The following CTIF variants were observed in gnomAD, a reference collection of about 807,000 sequenced individuals.
CTIF encodes cap binding complex dependent translation initiation factor, also known as CBP80/20-dependent translation initiation factor.
A neutral mutation model predicts 66.0 loss-of-function variants in CTIF; 21 were observed. That is an observed-to-expected ratio of 0.32 (90% CI 0.23 to 0.46). The LOEUF (loss-of-function observed/expected upper bound fraction) is 0.46, where lower values mean the gene tolerates loss of function less well. Among genes scored for constraint, CTIF ranks in the 20% least tolerant of loss-of-function variants. CTIF has a pLI of 1.00. For synonymous variants in CTIF, 345 were observed against 326.4 expected (o/e 1.06, Z -0.62); for missense variants, 739 against 812.7 (o/e 0.91, Z 1.10).
rs774451551 is a variant in CTIF, at chr18:48,839,778, TA to T, written c.1528-17809del. Among the ~76,000 whole-genome samples, 38 of 152,188 alleles carry T rather than the reference TA, an allele frequency of 2.5e-4. 1 individual carries two copies. The highest frequency in any genetic ancestry group is 4.3e-4 in the Non-Finnish European group (29 of 68,038). ...AATGAGTGAATGAATGAAAAGTTGTTACTACCCCCTTCAGACACCCTGGAGA... is the reference window on the plus strand; with the variant it reads ...AATGAGTGAATGAATGAAAAGTTGTTCTACCCCCTTCAGACACCCTGGAGA... On this transcript the variant is annotated intron_variant, in intron 10 of 11. Transcript: ENST00000256413.
chr18:48,621,442 C>G (rs904254112), intron 2 of CTIF: 1 of 267,768 alleles, frequency 3.7e-6, no homozygotes, highest in African/African-American at 2.4e-5. Flanking sequence ...GGAGATGAGT[C>G]AGAGGGATGA....
intron 1 of CTIF, among the ~76,000 whole-genome samples, chr18:48,616,204 G>A (rs1281593737): frequency 6.6e-6 from 1 of 152,240 alleles, no homozygotes; most frequent in Admixed American, 6.5e-5. Flanking sequence ...GATAAGATCT[G>A]ACGTCTTCCA....
chr18:48,556,685 C>T (rs2089030280), intron 1 of CTIF, among the ~76,000 whole-genome samples: 2 of 152,178 alleles, frequency 1.3e-5, no homozygotes, highest in Admixed American at 1.3e-4. Flanking sequence ...GTGCTTCAGC[C>T]TCCTGAGTAG....
intron 2 of CTIF, among the ~76,000 whole-genome samples, chr18:48,636,113 C>G (rs1422066599): frequency 6.6e-6 from 1 of 152,204 alleles, no homozygotes; most frequent in Admixed American, 6.5e-5. Flanking sequence ...AGTGGCAGGG[C>G]TTGTCTGAGC....
chr18:48,863,018 G>A lies in CTIF; in HGVS notation c.*3459G>A, dbSNP rs560786946. 2.0e-5 allele frequency: 3 copies of A among 152,372 alleles called. No individual in the cohort carries two copies. Among genetic ancestry groups the A allele is most frequent in the Admixed American group, 6.5e-5 (1 of 15,304 alleles). 9.4% of individuals were successfully genotyped at this position (152,372 alleles called of 1,614,324 possible). ...CTCTGCGCGGAACACTCACACGGAA[G>A]GGCTGGCCGCCTCCCTGAGCCGGCT... is the stretch of plus-strand genomic sequence containing the variant. On this transcript the variant is annotated 3_prime_UTR_variant, in exon 12 of 12. Coordinates refer to ENST00000256413, the MANE Select transcript of CTIF (RefSeq NM_014772.3).
At chr18:48,763,883 C>T (rs969436170) in intron 9 of CTIF, among the ~76,000 whole-genome samples, 1 of 152,162 alleles carries the variant, frequency 6.6e-6, no homozygotes, top group African/African-American at 2.4e-5. Flanking sequence ...CTCACAAACC[C>T]ACTCACCCCA....
At chr18:48,756,634 C>G (rs777914017) in intron 7 of CTIF, among the ~76,000 whole-genome samples, 6 of 152,190 alleles carry the variant, frequency 3.9e-5, no homozygotes, top group Non-Finnish European at 7.3e-5. Context: ...ATCTTGTGCT[C>G]CAACTGCACT....
chr18:48,579,556 A>T (rs142641838), intron 1 of CTIF, among the ~76,000 whole-genome samples: 175 of 152,318 alleles, frequency 1.1e-3, no homozygotes, highest in African/African-American at 4.2e-3. Context: ...TCCTACTAAA[A>T]AGTAACTTAG....
chr18:48,682,248 G>C (rs1001384167), intron 6 of CTIF, among the ~76,000 whole-genome samples: 15 of 152,134 alleles, frequency 9.9e-5, no homozygotes, highest in African/African-American at 3.6e-4. Flanking sequence ...TGGTACACAT[G>C]CATGCCTCAC....
rs547610269 is a variant in CTIF at position 48,577,645 on chromosome 18, T to C, written c.-29+38333T>C. Among the ~76,000 whole-genome samples the C allele has an allele frequency of 4.6e-5, 7 of 152,360 alleles. No individual in the cohort carries two copies. The South Asian group carries it at 1.4e-3, about 32-fold the overall frequency. On this transcript the variant is annotated intron_variant, in intron 1 of 11. Transcript: ENST00000256413. ...TGGAGTGCAGTAGTGCAATCATGGC[T>C]TACTGCAGCCTCTATCTCCCAGGAT...
chr18:48,542,297 C>A (rs939863551), intron 1 of CTIF, among the ~76,000 whole-genome samples: 48 of 152,216 alleles, frequency 3.2e-4, no homozygotes, highest in African/African-American at 1.1e-3. Flanking sequence ...GTTCATGTAA[C>A]ACTTACCTGT....
At chr18:48,553,806 C>G (rs2088951119) in intron 1 of CTIF, among the ~76,000 whole-genome samples, 2 of 149,866 alleles carry the variant, frequency 1.3e-5, no homozygotes, top group Admixed American at 1.4e-4. Context: ...CAGGTGCCCG[C>G]CACCATGCCC....
chr18:48,727,249 G>T (rs1019442156), intron 7 of CTIF, among the ~76,000 whole-genome samples: 3 of 152,188 alleles, frequency 2.0e-5, no homozygotes, highest in Admixed American at 2.0e-4. Flanking sequence ...GAAGTTTCTT[G>T]ATTAGAACTC....
chr18:48,637,417 G>A (rs910584478), intron 3 of CTIF, among the ~76,000 whole-genome samples: 8 of 152,168 alleles, frequency 5.3e-5, no homozygotes, highest in Admixed American at 2.6e-4. Flanking sequence ...TGGGATTAGA[G>A]GCTGAAAAAA....
chr18:48,614,845 G>T (rs1177321662), intron 1 of CTIF, among the ~76,000 whole-genome samples: 1 of 152,090 alleles, frequency 6.6e-6, no homozygotes, highest in Admixed American at 6.6e-5. Flanking sequence ...GTTTTGATTT[G>T]TTTGTTTTGT....
chr18:48,673,515 A>C (rs1434479435), intron 6 of CTIF: 1 of 151,104 alleles, frequency 6.6e-6, no homozygotes, highest in Non-Finnish European at 1.5e-5. Context: ...TACTAAACAA[A>C]CCCCACATCT....
chr18:48,626,006 T>C (rs530387242), intron 2 of CTIF, among the ~76,000 whole-genome samples: 59 of 144,794 alleles, frequency 4.1e-4, no homozygotes, highest in African/African-American at 1.5e-3. Flanking sequence ...CTTTCTTTTT[T>C]TTTTTTTTTT....
chr18:48,717,573 A>G (rs1428877292), intron 7 of CTIF, among the ~76,000 whole-genome samples: 2 of 152,154 alleles, frequency 1.3e-5, no homozygotes, highest in African/African-American at 4.8e-5. Flanking sequence ...AACAAACAGG[A>G]CATATGGAAC....
At chr18:48,614,465 G>A (rs2090362126) in intron 1 of CTIF, among the ~76,000 whole-genome samples, 1 of 152,172 alleles carries the variant, frequency 6.6e-6, no homozygotes, top group South Asian at 2.1e-4. Flanking sequence ...GCCCATCAGT[G>A]GATGAATGGA....
Sources: allele counts gnomAD v4.1 joint callset (sites outside exome capture counted in the v4.1 genomes callset), GRCh38; gene constraint gnomAD v4.1.1; transcripts MANE v1.5; gene names NCBI Gene and HGNC (gene_info 2026-07-23, HGNC 2026-07-21).